HMGXB3: variants seen among roughly 807,000 people sequenced by gnomAD.
HMGXB3 encodes the protein HMG domain-containing protein 3.
A neutral mutation model predicts 121.5 loss-of-function variants in HMGXB3; 45 were observed. The ratio of observed to expected loss-of-function variants is 0.37; its 90% CI spans 0.29 to 0.47. The LOEUF (loss-of-function observed/expected upper bound fraction) is 0.47, where lower values mean the gene tolerates loss of function less well. Among genes scored for constraint, HMGXB3 ranks in the 20% least tolerant of loss-of-function variants. The pLI is 0.99. For synonymous variants in HMGXB3, 590 were observed against 624.1 expected, an observed-to-expected ratio of 0.95 and a Z score of 0.81; for missense variants, 1,376 against 1,602.2, an observed-to-expected ratio of 0.86 and a Z score of 2.41.
chr5:150,047,378 T>C (rs755617746), intron 16 of HMGXB3: 10 of 474,724 alleles, frequency 2.1e-5, no homozygotes, highest in East Asian at 3.7e-5. Flanking sequence ...AGCTGACTTA[T>C]TTTAGGGTTT....
chr5:150,045,447 C>T lies in HMGXB3; in HGVS notation c.2731-19C>T. On this transcript the variant is annotated intron_variant, in intron 15 of 19. Transcript: ENST00000502717. ...TCTGTGACTCCCACAGTTTGACCTT[C>T]TTTATCCTGACCTTCTAGTTCACCT... 6.5e-7 allele frequency: 1 copy of T among 1,545,776 alleles called. No individual in the cohort carries two copies. The highest frequency in any genetic ancestry group is 2.4e-5 in the East Asian group (1 of 40,894).
intron 15 of HMGXB3, among the ~76,000 whole-genome samples, chr5:150,044,648 G>A (rs1185870473): frequency 1.3e-5 from 2 of 152,144 alleles, no homozygotes; most frequent in Non-Finnish European, 2.9e-5. Flanking sequence ...CTTGCTGCTT[G>A]TCCAGGACCA....
At chr5:150,009,078 G>A (rs1482623754) in intron 3 of HMGXB3, among the ~76,000 whole-genome samples, 1 of 152,034 alleles carries the variant, frequency 6.6e-6, no homozygotes, top group Non-Finnish European at 1.5e-5. Context: ...TCATTTAACT[G>A]TTCACTTTGA....
chr5:150,042,082 C>A (rs1756646069), intron 15 of HMGXB3, 113 bp downstream of exon 15: 2 of 792,636 alleles, frequency 2.5e-6, no homozygotes, highest in Non-Finnish European at 3.8e-6. Flanking sequence ...CTAGGTGAGG[C>A]AAGTGAGTTT....
intron 1 of HMGXB3, among the ~76,000 whole-genome samples, chr5:150,003,917 G>A (rs575080180): frequency 1.3e-5 from 2 of 151,892 alleles, no homozygotes; most frequent in African/African-American, 4.8e-5. Flanking sequence ...GTGTGCCACT[G>A]TTCTCTAGTG....
intron 7 of HMGXB3, among the ~76,000 whole-genome samples, 184 bp downstream of exon 7, chr5:150,024,864 T>C (rs1309422120): frequency 1.3e-5 from 2 of 152,238 alleles, no homozygotes; most frequent in African/African-American, 4.8e-5. Flanking sequence ...CTGCTATTCA[T>C]GTACTGCTGT....
chr5:150,021,196 A>G (rs1326586793), intron 6 of HMGXB3, among the ~76,000 whole-genome samples: 2 of 152,260 alleles, frequency 1.3e-5, no homozygotes. Context: ...TGTGATTTCT[A>G]AAGCTTATAG....
rs1267328631 is a variant in HMGXB3 at position 150,047,724 on chromosome 5, G to C, written c.3051G>C (p.Gln1017His). The change falls in exon 17 of 20, where the codon CAG (glutamine) becomes CAC (histidine). Residue 1017 changes from glutamine (Q) to histidine (H), a missense_variant. Around this residue, in one of 2 missense-constraint regions of HMGXB3, gnomAD observed 1,116 missense variants for 1,369.0 expected, o/e 0.82. Transcript: ENST00000502717. ...AGAAGCTGCAGCACCTGCTAAGGCA[G>C]TGTGGAATCCCCTTTGGGGCAGAAG... ...SEEKLQHLLRQCGIPFGAEDS... is the reference protein window; with the variant it reads ...SEEKLQHLLRHCGIPFGAEDS... 1.9e-6 allele frequency: 3 copies of C among 1,551,792 alleles called. No individual in the cohort carries two copies. The Admixed American group carries it at 5.9e-5, about 30-fold the overall frequency.
chr5:150,048,757 G>A, intron 18 of HMGXB3, 72 bp downstream of exon 18: 1 of 1,154,716 alleles, frequency 8.7e-7, no homozygotes, highest in Non-Finnish European at 1.3e-6. Flanking sequence ...GACTGATCCA[G>A]CTCAGTTTTG....
At chr5:150,040,251 C>CT (rs1206444331) in intron 13 of HMGXB3, among the ~76,000 whole-genome samples, 16 of 151,778 alleles carry the variant, frequency 1.1e-4, no homozygotes, top group South Asian at 2.1e-4. Context: ...AGATCTACTT[C>CT]TTTTTAAAAA....
intron 1 of HMGXB3, among the ~76,000 whole-genome samples, chr5:150,003,470 T>A (rs947525095): frequency 6.6e-6 from 1 of 151,836 alleles, no homozygotes; most frequent in African/African-American, 2.4e-5. Context: ...AGAGGCTAGA[T>A]GTGGTGGCTC....
intron 15 of HMGXB3, among the ~76,000 whole-genome samples, chr5:150,043,449 A>C (rs1223503013): frequency 6.6e-6 from 1 of 152,200 alleles, no homozygotes; most frequent in African/African-American, 2.4e-5. Context: ...TCATGTGTTC[A>C]CTGATCAGGC....
At position 150,041,948 on chromosome 5, in the gene HMGXB3, G is replaced by T. The variant is rs757799204; in HGVS notation, c.2709G>T (p.Val903=). The T allele has an allele frequency of 6.4e-7, 1 of 1,551,470 alleles. No homozygotes were observed. The highest frequency in any genetic ancestry group is 8.7e-7 in the Non-Finnish European group (1 of 1,146,936). The part of the protein sequence containing the change: ...VEMAQRSEEN[V]LALKSVEFTW... ...TGGCTCAGAGGAGTGAAGAGAATGT[G>T]CTAGCACTGAAGAGCGTGGAGGTAA... Residue 903 remains valine (V), a synonymous_variant, in exon 15 of 20, where the codon GTG becomes GTT. Transcript: ENST00000502717.
At chr5:150,033,021 C>T (rs1462321479) in intron 11 of HMGXB3, among the ~76,000 whole-genome samples, 1 of 152,164 alleles carries the variant, frequency 6.6e-6, no homozygotes, top group Non-Finnish European at 1.5e-5. Flanking sequence ...TTCTCAGGCT[C>T]CTTGGAAAGC....
intron 12 of HMGXB3, 28 bp from the exon 13 acceptor site, chr5:150,037,372 T>C (rs763986320): frequency 6.6e-7 from 1 of 1,505,690 alleles, no homozygotes; most frequent in Non-Finnish European, 8.9e-7. Context: ...CCCTTCTTTT[T>C]TTTTGTTGGT....
Position 150,050,454 on chromosome 5 carries a change from C to T in HMGXB3, c.3404C>T (p.Pro1135Leu). 6.5e-7 allele frequency: 1 copy of T among 1,548,882 alleles called. No homozygotes were observed. The highest frequency in any genetic ancestry group is 1.4e-5 in the African/African-American group (1 of 73,112). The change falls in exon 19 of 20, where the codon CCA becomes CTA. Residue 1135 changes from proline to leucine, a missense_variant. This residue lies in a region of HMGXB3 where 260 missense variants were observed against 233.2 expected (regional missense o/e 1.11). Coordinates refer to ENST00000502717, the MANE Select transcript of HMGXB3 (RefSeq NM_014983.3). ...NQGCFSSPTE[P>L]PVSVSCPELL... ...GGCTGTTTCTCTAGCCCCACAGAGC[C>T]ACCTGTGGTGAGTCACCTCCTGAGG... is the stretch of plus-strand genomic sequence containing the variant.
At chr5:150,026,499 A>G (rs1756233487) in intron 7 of HMGXB3, among the ~76,000 whole-genome samples, 1 of 152,222 alleles carries the variant, frequency 6.6e-6, no homozygotes, top group African/African-American at 2.4e-5. Context: ...TCCATTTTAC[A>G]TATTAGAAAC....
At chr5:150,012,120 A>G (rs2113729178) in intron 4 of HMGXB3, 135 bp from the exon 5 acceptor site, 1 of 626,746 alleles carries the variant, frequency 1.6e-6, no homozygotes, top group East Asian at 2.8e-5. Flanking sequence ...TCATAAATTC[A>G]TTCCTTTTGA....
In HMGXB3 at chr5:150,042,003, G is replaced by A. The variant is rs79391612; in HGVS notation, c.2730+34G>A. The A allele has an allele frequency of 4.1e-4, 628 of 1,528,080 alleles. 11 individuals carry two copies. In the East Asian group the frequency reaches 0.013, roughly 31 times the overall value. 94.7% of individuals were successfully genotyped at this position (1,528,080 alleles called of 1,614,324 possible). On this transcript the variant is annotated intron_variant, in intron 15 of 19. Transcript: ENST00000502717. ...CTCTTAGCCACCGTGAGGGACCTGC[G>A]GAATTTTCTCATTTTGGCACCTCCC...
Sources: allele counts gnomAD v4.1 joint callset (sites outside exome capture counted in the v4.1 genomes callset), GRCh38; gene constraint gnomAD v4.1.1; regional missense constraint gnomAD v4.1.1; transcripts MANE v1.5; gene names NCBI Gene and HGNC (gene_info 2026-07-23, HGNC 2026-07-21).